The following KIF27 variants were observed in gnomAD, a reference collection of about 807,000 sequenced individuals.
The protein encoded by KIF27 is kinesin family member 27, also known as kinesin-like protein KIF27.
A neutral mutation model predicts 141.8 loss-of-function variants in KIF27; 84 were observed. The ratio of observed to expected loss-of-function variants is 0.59; its 90% CI spans 0.50 to 0.71. KIF27 has a LOEUF of 0.71. Among genes scored for constraint, KIF27 ranks in the 30% least tolerant of loss-of-function variants. The probability of loss-of-function intolerance (pLI) is 0.00; values close to 1 mark genes in which losing one functional copy is unlikely to be tolerated. For missense variants in KIF27, 1,306 were observed against 1,628.4 expected (o/e 0.80, Z 3.41); for synonymous variants, 471 against 569.5 (o/e 0.83, Z 2.46).
At chr9:83,847,196 G>A (rs1172995665) in intron 16 of KIF27, among the ~76,000 whole-genome samples, 1 of 152,170 alleles carries the variant, frequency 6.6e-6, no homozygotes, top group Non-Finnish European at 1.5e-5. Context: ...AGCAGAAGAA[G>A]GTGGTCATCA....
chr9:83,915,223 G>A (rs1414847778), intron 2 of KIF27, 71 bp downstream of exon 2: 1 of 1,256,020 alleles, frequency 8.0e-7, no homozygotes, highest in African/African-American at 1.5e-5. Context: ...CCTACCATGT[G>A]TCAGGTATTG....
chr9:83,861,793 C>T (rs1949944068), intron 13 of KIF27, among the ~76,000 whole-genome samples: 1 of 150,916 alleles, frequency 6.6e-6, no homozygotes, highest in Admixed American at 6.6e-5. Context: ...ACAGTCCCAC[C>T]AACAGTGTAA....
chr9:83,897,207 A>G (rs1237684309), intron 5 of KIF27, among the ~76,000 whole-genome samples: 1 of 152,158 alleles, frequency 6.6e-6, no homozygotes, highest in Non-Finnish European at 1.5e-5. Flanking sequence ...GCTCTACAAA[A>G]TATCTAGACT....
At chr9:83,862,999 T>C (rs1472136490) in intron 13 of KIF27, among the ~76,000 whole-genome samples, 1 of 152,206 alleles carries the variant, frequency 6.6e-6, no homozygotes, top group East Asian at 1.9e-4. Context: ...TGTATAAAAA[T>C]GCTTGTGATT....
chr9:83,885,807 GT>G (rs772655817), intron 9 of KIF27, among the ~76,000 whole-genome samples: 11 of 152,068 alleles, frequency 7.2e-5, no homozygotes, highest in Non-Finnish European at 1.3e-4. Context: ...CGCATCAGTA[GT>G]TTTTATAAAT....
At chr9:83,841,141 G>A (rs559726614) in intron 17 of KIF27, among the ~76,000 whole-genome samples, 33 of 152,042 alleles carry the variant, frequency 2.2e-4, no homozygotes, top group African/African-American at 7.5e-4. Flanking sequence ...CGTGATCTCA[G>A]CTCACTGCAA....
intron 14 of KIF27, among the ~76,000 whole-genome samples, chr9:83,857,707 G>A (rs142275388): frequency 0.017 from 2,650 of 152,086 alleles, 88 homozygotes; most frequent in African/African-American, 0.061. Context: ...TGTCTAAAAC[G>A]GACTTCTTTC....
In KIF27 at chr9:83,859,444, A is replaced by G. The variant is rs984267244; in HGVS notation, c.2935-73T>C. Reference sequence around the variant, plus strand: ...CTAGACTGCATAAAAATTAGGAAAAACATAGAGAAAATTGCTAAATGAATA... The same window carrying G: ...CTAGACTGCATAAAAATTAGGAAAAGCATAGAGAAAATTGCTAAATGAATA... On this transcript the variant is annotated intron_variant, in intron 13 of 17. Coordinates refer to ENST00000297814, the MANE Select transcript of KIF27 (RefSeq NM_017576.4). The G allele has an allele frequency of 1.8e-5, 18 of 1,002,252 alleles. 1 individual carries two copies. Among genetic ancestry groups the G allele is most frequent in the Non-Finnish European group, 2.4e-5 (16 of 654,898 alleles). 62.1% of individuals were successfully genotyped at this position (1,002,252 alleles called of 1,614,324 possible).
chr9:83,851,946 G>A (rs1221364903), intron 15 of KIF27, among the ~76,000 whole-genome samples: 2 of 149,494 alleles, frequency 1.3e-5, no homozygotes, highest in Admixed American at 1.3e-4. Flanking sequence ...TGGCCAACAT[G>A]GTGAAACCCC....
rs556864778 is a variant in KIF27 at position 83,839,534 on chromosome 9, A to G, written c.3722-2049T>C. On this transcript the variant is annotated intron_variant, in intron 17 of 17. Transcript: ENST00000297814. The stretch of plus-strand genomic sequence containing the variant: ...TATCCTCATGTTAGAAAACATATAC[A>G]CTGTAACAGAGGGAGGACCATCAAG... Among the ~76,000 whole-genome samples, 17 of 152,382 alleles carry G rather than the reference A, an allele frequency of 1.1e-4. No homozygotes were observed. In the South Asian group the frequency reaches 3.5e-3, roughly 32 times the overall value.
intron 11 of KIF27, among the ~76,000 whole-genome samples, chr9:83,872,131 C>CT (rs1950848097): frequency 6.6e-6 from 1 of 151,624 alleles, no homozygotes; most frequent in Admixed American, 6.6e-5. Context: ...CAAGACCAGT[C>CT]TGGCCAACAT....
chr9:83,843,970 G>A (rs1228235438), intron 16 of KIF27, among the ~76,000 whole-genome samples: 1 of 151,806 alleles, frequency 6.6e-6, no homozygotes, highest in African/African-American at 2.4e-5. Flanking sequence ...GCCAAGTATT[G>A]ATGCCAAGTA....
At chr9:83,861,649 G>T (rs1313405429) in intron 13 of KIF27, among the ~76,000 whole-genome samples, 2 of 152,000 alleles carry the variant, frequency 1.3e-5, no homozygotes, top group South Asian at 2.1e-4. Context: ...ATGTGTGCAT[G>T]TGTCTTTATA....
Position 83,867,673 on chromosome 9 carries a change from A to G in KIF27, c.2934+11T>C, listed in dbSNP as rs1950483024. On this transcript the variant is annotated intron_variant, in intron 13 of 17. Transcript: ENST00000297814. ...TACAACCAGAATCAAGTAGTGTATTAAACAGAATACCTGACTAGATCTCAA... is the reference window on the plus strand; with the variant it reads ...TACAACCAGAATCAAGTAGTGTATTGAACAGAATACCTGACTAGATCTCAA... 1 of 1,597,440 alleles carries G rather than the reference A, an allele frequency of 6.3e-7. No homozygotes were observed. Among genetic ancestry groups the G allele is most frequent in the African/African-American group, 1.4e-5 (1 of 73,714 alleles).
chr9:83,842,784 A>G (rs1288928308), intron 16 of KIF27, among the ~76,000 whole-genome samples: 5 of 152,186 alleles, frequency 3.3e-5, no homozygotes, highest in African/African-American at 1.2e-4. Context: ...ATGTTTTAAC[A>G]TAGGCCCTGG....
Position 83,837,144 on chromosome 9 carries a change from G to A in KIF27, c.4063C>T (p.Pro1355Ser), listed in dbSNP as rs574356626. The change falls in exon 18 of 18, where the codon CCT becomes TCT. Residue 1355 changes from proline (P) to serine (S), a missense_variant. Coordinates refer to ENST00000297814, the MANE Select transcript of KIF27 (RefSeq NM_017576.4). ...GNVGRLHGVT[P>S]VKLCRKELRQ... is the part of the protein sequence containing the mutation. ...AATTCTTTTCGACACAGTTTTACAG[G>A]TGTGACACCATGAAGTCGTCCCACA... 4 of 1,614,096 alleles carry A rather than the reference G, an allele frequency of 2.5e-6. No homozygotes were observed. Among genetic ancestry groups the A allele is most frequent in the Non-Finnish European group, 3.4e-6 (4 of 1,180,000 alleles).
rs138849280 is a variant in KIF27, at chr9:83,899,744, T to A, written c.1519A>T (p.Lys507Ter). Reference protein sequence around the residue: ...NQKELEVKELKNQVQMMVQEN... With the variant: ...NQKELEVKEL ...TGTACCATCATCTGCACTTGATTCTTCAGTTCCTTCACCTCCAGTTCCTTC... is the reference window on the plus strand; with the variant it reads ...TGTACCATCATCTGCACTTGATTCTACAGTTCCTTCACCTCCAGTTCCTTC... The change falls in exon 5 of 18, where the codon AAG (lysine) becomes TAG (stop). Residue 507 changes from lysine (K) to a stop codon, truncating the protein, a stop_gained. Transcript: ENST00000297814. LOFTEE classifies it high-confidence loss of function. 22 of 1,613,512 alleles carry A rather than the reference T, an allele frequency of 1.4e-5. No homozygotes were observed. Among genetic ancestry groups the A allele is most frequent in the Non-Finnish European group, 1.8e-5 (21 of 1,179,628 alleles).
intron 17 of KIF27, among the ~76,000 whole-genome samples, chr9:83,839,123 A>G (rs1946266661): frequency 6.6e-6 from 1 of 151,962 alleles, no homozygotes; most frequent in Non-Finnish European, 1.5e-5. Flanking sequence ...ATGTACCACT[A>G]CCGGTAGCTC....
In KIF27 at chr9:83,862,230, T is replaced by C. The variant is rs1949993478; in HGVS notation, c.2935-2859A>G. Among the ~76,000 whole-genome samples the C allele has an allele frequency of 2.0e-5, 3 of 152,192 alleles. No homozygotes were observed. In the South Asian group the frequency reaches 6.2e-4, roughly 32 times the overall value. ...TTTTGTTGCCATTGCTTTTGGTGTT[T>C]TAGACATGAAGTCCTTGCCCATGCC... On this transcript the variant is annotated intron_variant, in intron 13 of 17. Transcript: ENST00000297814.
Sources: allele counts gnomAD v4.1 joint callset (sites outside exome capture counted in the v4.1 genomes callset), GRCh38; gene constraint gnomAD v4.1.1; transcripts MANE v1.5; gene names NCBI Gene and HGNC (gene_info 2026-07-23, HGNC 2026-07-21).